The following POU2F1 variants were observed in gnomAD, a reference collection of about 807,000 sequenced individuals.
POU2F1 encodes POU domain, class 2, transcription factor 1.
A neutral mutation model predicts 84.9 loss-of-function variants in POU2F1; 16 were observed. The observed-to-expected ratio is 0.19, with a 90% confidence interval of 0.13 to 0.29. The LOEUF (loss-of-function observed/expected upper bound fraction) is 0.29. POU2F1 is among the 10% of genes least tolerant of loss of function. The pLI is 1.00. For synonymous variants in POU2F1, 368 were observed against 368.3 expected, an observed-to-expected ratio of 1.00 and a Z score of 0.01; for missense variants, 738 against 942.6, an observed-to-expected ratio of 0.78 and a Z score of 2.84.
At chr1:167,410,835 G>A (rs1649911929) in intron 13 of POU2F1, among the ~76,000 whole-genome samples, 2 of 151,992 alleles carry the variant, frequency 1.3e-5, no homozygotes, top group South Asian at 4.1e-4. Context: ...CATTTTCAGT[G>A]GGGCTACTAG....
chr1:167,310,461 A>G (rs892541506), intron 1 of POU2F1, among the ~76,000 whole-genome samples: 3 of 152,138 alleles, frequency 2.0e-5, no homozygotes, highest in Non-Finnish European at 4.4e-5. Flanking sequence ...AAAGATAATT[A>G]ATGAATCTAT....
In POU2F1 at chr1:167,305,981, G is replaced by A. The variant is rs574400740; in HGVS notation, c.62-26489G>A. 3.3e-5 allele frequency among the ~76,000 whole-genome samples: 5 copies of A among 152,316 alleles called. No homozygotes were observed. The East Asian group carries it at 7.7e-4, about 23-fold the overall frequency. On this transcript the variant is annotated intron_variant, in intron 1 of 15. Transcript: ENST00000367866. ...TTTTAGTATACATAGAAATGTAGAA[G>A]TATAGGAAGTAGGGCAAAGAGAAGA...
intron 1 of POU2F1, chr1:167,328,988 CT>C: frequency 2.0e-6 from 2 of 1,022,734 alleles, no homozygotes; most frequent in Non-Finnish European, 2.4e-6. Flanking sequence ...AAAAGAGGAA[CT>C]TTTTCATGCT....
At chr1:167,343,974 G>C (rs192658282) in intron 2 of POU2F1, among the ~76,000 whole-genome samples, 70 of 152,124 alleles carry the variant, frequency 4.6e-4, no homozygotes, top group African/African-American at 1.6e-3. Context: ...GAGGACCAAG[G>C]ACGGAGCTCT....
At chr1:167,285,685 T>C (rs1413212864) in intron 1 of POU2F1, among the ~76,000 whole-genome samples, 1 of 152,232 alleles carries the variant, frequency 6.6e-6, no homozygotes, top group Non-Finnish European at 1.5e-5. Context: ...CAGTTTCCCT[T>C]TTAAGAATTA....
At chr1:167,253,643 T>A (rs1399984618) in intron 1 of POU2F1, among the ~76,000 whole-genome samples, 1 of 152,082 alleles carries the variant, frequency 6.6e-6, no homozygotes, top group Non-Finnish European at 1.5e-5. Flanking sequence ...CCCAGGCTGG[T>A]CTCAAATTCT....
chr1:167,226,886 A>G (rs1385336672), intron 1 of POU2F1, among the ~76,000 whole-genome samples: 3 of 152,190 alleles, frequency 2.0e-5, no homozygotes, highest in Non-Finnish European at 4.4e-5. Context: ...AGGACTAGTA[A>G]TTGAGCAAAA....
chr1:167,356,577 C>A (rs965918326), intron 2 of POU2F1, among the ~76,000 whole-genome samples: 1 of 151,994 alleles, frequency 6.6e-6, no homozygotes, highest in Non-Finnish European at 1.5e-5. Flanking sequence ...GAGTCACTGG[C>A]GGCAAATATA....
chr1:167,252,551 A>G (rs1044531678), intron 1 of POU2F1, among the ~76,000 whole-genome samples: 4 of 152,236 alleles, frequency 2.6e-5, no homozygotes, highest in Non-Finnish European at 4.4e-5. Flanking sequence ...CTGAAGGGGA[A>G]CCAGCGCCCT....
At chr1:167,410,707 G>A (rs894736711) in intron 13 of POU2F1, among the ~76,000 whole-genome samples, 2 of 151,756 alleles carry the variant, frequency 1.3e-5, no homozygotes, top group Non-Finnish European at 2.9e-5. Flanking sequence ...ATAGAGACGG[G>A]GTTTCACCAC....
rs759613444 is a variant in POU2F1 at position 167,371,879 on chromosome 1, C to T, written c.283-38C>T. The T allele has an allele frequency of 1.2e-5, 20 of 1,612,326 alleles. No homozygotes were observed. The East Asian group carries it at 4.2e-4, about 34-fold the overall frequency. The stretch of plus-strand genomic sequence containing the variant: ...TTTAAGTACATTTCTTTTAATCAAC[C>T]ATTTGCAATCTTTTATTTCCTACCC... On this transcript the variant is annotated intron_variant, in intron 4 of 15. Coordinates refer to ENST00000367866, the MANE Select transcript of POU2F1 (RefSeq NM_002697.4).
intron 2 of POU2F1, among the ~76,000 whole-genome samples, chr1:167,335,517 A>T (rs1003182592): frequency 1.5e-4 from 23 of 152,186 alleles, no homozygotes; most frequent in Non-Finnish European, 3.1e-4. Flanking sequence ...AGACTACCCC[A>T]TGTCTCTAAA....
intron 13 of POU2F1, among the ~76,000 whole-genome samples, chr1:167,406,680 G>T (rs1649601452): frequency 6.6e-6 from 1 of 152,122 alleles, no homozygotes; most frequent in African/African-American, 2.4e-5. Context: ...CAGAATACAA[G>T]ATTGATATAT....
intron 1 of POU2F1, among the ~76,000 whole-genome samples, chr1:167,287,932 T>G (rs555866774): frequency 6.6e-6 from 1 of 152,312 alleles, no homozygotes; most frequent in South Asian, 2.1e-4. Context: ...AGAGCCACAT[T>G]TAACTACTCA....
intron 2 of POU2F1, among the ~76,000 whole-genome samples, chr1:167,346,950 G>A (rs985108855): frequency 6.6e-6 from 1 of 152,130 alleles, no homozygotes; most frequent in Non-Finnish European, 1.5e-5. Context: ...TGGAAGAAAC[G>A]CTCTCCACAC....
chr1:167,318,692 G>A (rs1275749480), intron 1 of POU2F1, among the ~76,000 whole-genome samples: 1 of 152,166 alleles, frequency 6.6e-6, no homozygotes, highest in African/African-American at 2.4e-5. Flanking sequence ...TAGGCAACTA[G>A]TGGCCTTTCT....
intron 1 of POU2F1, among the ~76,000 whole-genome samples, chr1:167,314,657 C>A (rs1655750954): frequency 6.6e-6 from 1 of 151,992 alleles, no homozygotes; most frequent in African/African-American, 2.4e-5. Flanking sequence ...ACCTGTGGTC[C>A]CAGCTCCCTA....
intron 1 of POU2F1, among the ~76,000 whole-genome samples, chr1:167,236,768 T>C (rs1649489257): frequency 6.6e-6 from 1 of 152,200 alleles, no homozygotes; most frequent in Non-Finnish European, 1.5e-5. Flanking sequence ...GCTGTGGCAC[T>C]GTGGTCCTGG....
chr1:167,336,500 A>G (rs112351460), intron 2 of POU2F1, among the ~76,000 whole-genome samples: 5 of 152,340 alleles, frequency 3.3e-5, no homozygotes, highest in African/African-American at 1.2e-4. Flanking sequence ...TGGTGGTGCC[A>G]GAAGTGTTCC....
Sources: gnomAD v4.1 joint callset for allele counts (sites outside exome capture counted in the v4.1 genomes callset) on GRCh38, gnomAD v4.1.1 for gene constraint, MANE v1.5 for transcripts, NCBI Gene and HGNC (gene_info 2026-07-23, HGNC 2026-07-21) for gene names.